Variants in EIF4G1 observed in about 807,000 individuals in gnomAD.
EIF4G1 encodes eukaryotic translation initiation factor 4 gamma 1.
Under a neutral mutation model 187.8 loss-of-function variants are expected in EIF4G1, and 4 were observed. The observed-to-expected ratio is 0.02, with a 90% confidence interval of 0.01 to 0.05. The LOEUF (loss-of-function observed/expected upper bound fraction) is 0.05. EIF4G1 is among the 10% of genes least tolerant of loss of function. The pLI, the probability that EIF4G1 is intolerant of heterozygous loss-of-function variation, is 1.00. For synonymous variants in EIF4G1, 844 were observed against 781.4 expected (o/e 1.08, Z -1.34); for missense variants, 1,647 against 2,081.1 (o/e 0.79, Z 4.06).
chr3:184,322,053 C>G lies in EIF4G1; in HGVS notation c.1469C>G (p.Pro490Arg), dbSNP rs1723982966. The change falls in exon 10 of 33, where the codon CCT becomes CGT. Residue 490 changes from proline (P) to arginine (R), a missense_variant. This residue lies in a region of EIF4G1 where 522 missense variants were observed against 485.2 expected (regional missense o/e 1.08). Coordinates refer to ENST00000346169, the MANE Select transcript of EIF4G1 (RefSeq NM_198241.3). The part of the protein sequence containing the change: ...GEELLPPEST[P>R]IPANLSQNLE... ...GAACTGCTCCCCCCAGAGAGTACCCCTATTCCAGCCAACTTGTCTCAGAAT... is the reference window on the plus strand; with the variant it reads ...GAACTGCTCCCCCCAGAGAGTACCCGTATTCCAGCCAACTTGTCTCAGAAT... 1.2e-6 allele frequency: 2 copies of G among 1,613,974 alleles called. No homozygotes were observed. Among genetic ancestry groups the G allele is most frequent in the Admixed American group, 1.7e-5 (1 of 59,910 alleles).
intron 3 of EIF4G1, 116 bp downstream of exon 3, chr3:184,315,972 T>G (rs1321084650): frequency 6.6e-7 from 1 of 1,513,246 alleles, no homozygotes; most frequent in African/African-American, 1.4e-5. Context: ...GCTGCCAAAT[T>G]GAGACAGGGC....
At position 184,326,976 on chromosome 3, in the gene EIF4G1, G is replaced by T; in HGVS notation, c.3421G>T (p.Val1141Leu). 6.2e-7 allele frequency: 1 copy of T among 1,614,218 alleles called. No homozygotes were observed. The highest frequency in any genetic ancestry group is 2.2e-5 in the East Asian group (1 of 44,892). The change falls in exon 23 of 33, where the codon GTG becomes TTG. Residue 1141 changes from valine (V) to leucine (L), a missense_variant. Coordinates refer to ENST00000346169, the MANE Select transcript of EIF4G1 (RefSeq NM_198241.3). ...PTESTDNRRVVQRSSLSRERG... is the reference protein window; with the variant it reads ...PTESTDNRRVLQRSSLSRERG... Reference sequence around the variant, plus strand: ...AGAAAGCACAGATAATAGACGTGTGGTGCAGAGGTGAGGTTTCCTGGACAT... The same window carrying T: ...AGAAAGCACAGATAATAGACGTGTGTTGCAGAGGTGAGGTTTCCTGGACAT...
chr3:184,331,439 T>A, intron 29 of EIF4G1, 33 bp from the exon 30 acceptor site: 3 of 1,614,168 alleles, frequency 1.9e-6, no homozygotes, highest in Non-Finnish European at 2.5e-6. Flanking sequence ...GTTGGCAACC[T>A]TACCTCTTAA....
rs543783675 is a variant in EIF4G1 at position 184,334,876 on chromosome 3, C to T, written c.4768C>T (p.Arg1590Cys). The T allele has an allele frequency of 2.5e-6, 4 of 1,614,154 alleles. No individual in the cohort carries two copies. Among genetic ancestry groups the T allele is most frequent in the African/African-American group, 1.3e-5 (1 of 75,026 alleles). ...TGTCACAGCCTTCTTCAAGTGGCTC[C>T]GTGAAGCAGAGGAGGAGTCTGACCA... ...KSVTAFFKWL[R>C]EAEEESDHN The change falls in exon 33 of 33, where the codon CGT (arginine) becomes TGT (cysteine). Residue 1590 changes from arginine to cysteine, a missense_variant. Physicochemically the swap from Arg to Cys is radical, Grantham distance 180. Around this residue, in one of 11 missense-constraint regions of EIF4G1, gnomAD observed 543 missense variants for 638.0 expected, o/e 0.85. Coordinates refer to ENST00000346169, the MANE Select transcript of EIF4G1 (RefSeq NM_198241.3). The surrounding 1 kb of genome is among the most constrained non-coding windows in gnomAD (Gnocchi z 5.8).
chr3:184,327,137 C>T lies in EIF4G1; in HGVS notation c.3429-79C>T, dbSNP rs1725087393. The T allele has an allele frequency of 1.9e-6, 3 of 1,585,348 alleles. No homozygotes were observed. The Admixed American group carries it at 5.1e-5, about 27-fold the overall frequency. On this transcript the variant is annotated intron_variant, in intron 23 of 32. Coordinates refer to ENST00000346169, the MANE Select transcript of EIF4G1 (RefSeq NM_198241.3). The stretch of plus-strand genomic sequence containing the variant: ...TCATTATGCTAAGAACAAGGCCCAA[C>T]AGTTGCTCAGCATGTTGTGTAATTA...
In EIF4G1 at chr3:184,321,955, GGAAGAAGAAGAAGAA is replaced by G; in HGVS notation, c.1374_1388del (p.Glu461_Glu465del). The G allele has an allele frequency of 6.2e-7, 1 of 1,612,128 alleles. No homozygotes were observed. The highest frequency in any genetic ancestry group is 8.5e-7 in the Non-Finnish European group (1 of 1,178,330). On this transcript the variant is annotated inframe_deletion, in exon 10 of 33. Transcript: ENST00000346169. ...CTTCCCCAGCTCAGGAGGAGGAAATGGAAGAAGAAGAAGAAGAGGAAGAAGGAGAAGCAGGAGAAG... is the reference window on the plus strand; with the variant it reads ...CTTCCCCAGCTCAGGAGGAGGAAATGGAGGAAGAAGGAGAAGCAGGAGAAG...
chr3:184,324,358 A>C lies in EIF4G1; in HGVS notation c.2619+11A>C, dbSNP rs1724444157. 1 of 1,614,184 alleles carries C rather than the reference A, an allele frequency of 6.2e-7. No individual in the cohort carries two copies. The highest frequency in any genetic ancestry group is 1.3e-5 in the African/African-American group (1 of 75,058). ...GATGAAGCTGCTACGGTGAGAGAAA[A>C]CCCACTATCGATTCCACTCACCACT... On this transcript the variant is annotated intron_variant, in intron 17 of 32. Transcript: ENST00000346169.
chr3:184,319,569 C>CA (rs1723485387), intron 6 of EIF4G1, 120 bp from the exon 7 acceptor site: 1 of 733,966 alleles, frequency 1.4e-6, no homozygotes, highest in Non-Finnish European at 2.5e-6. Flanking sequence ...CAGGGCAGGG[C>CA]AAGGCAAGGG....
chr3:184,319,769 C>T lies in EIF4G1; in HGVS notation c.505C>T (p.Pro169Ser), dbSNP rs777260160. ...APTPVLMNQPPQIAPKRERKT... is the reference protein window; with the variant it reads ...APTPVLMNQPSQIAPKRERKT... The stretch of plus-strand genomic sequence containing the variant: ...CACCCCAGTTTTGATGAACCAGCCA[C>T]CCCAGATTGCTCCCAAGAGGGAGCG... The change falls in exon 7 of 33, where the codon CCC (proline) becomes TCC (serine). Residue 169 changes from proline (P) to serine (S), a missense_variant. By Grantham distance (74) the Pro-to-Ser change is moderately conservative. Around this residue, in one of 11 missense-constraint regions of EIF4G1, gnomAD observed 139 missense variants for 187.3 expected, o/e 0.74. Coordinates refer to ENST00000346169, the MANE Select transcript of EIF4G1 (RefSeq NM_198241.3). 3 of 1,606,342 alleles carry T rather than the reference C, an allele frequency of 1.9e-6. No homozygotes were observed. Among genetic ancestry groups the T allele is most frequent in the East Asian group, 2.2e-5 (1 of 44,718 alleles).
At chr3:184,333,776 A>G (rs1278562931) in intron 32 of EIF4G1, among the ~76,000 whole-genome samples, 1 of 152,228 alleles carries the variant, frequency 6.6e-6, no homozygotes, top group Non-Finnish European at 1.5e-5. Flanking sequence ...GGTTGAAAAC[A>G]GGGCTTTTTG....
At chr3:184,332,932 C>T (rs1412476425) in intron 32 of EIF4G1, among the ~76,000 whole-genome samples, 1 of 152,126 alleles carries the variant, frequency 6.6e-6, no homozygotes, top group African/African-American at 2.4e-5. Context: ...GGCAAGAAAA[C>T]GCCTTTGTGG....
In EIF4G1 at chr3:184,323,073, C is replaced by T; in HGVS notation, c.1930-10C>T. 2 of 1,614,176 alleles carry T rather than the reference C, an allele frequency of 1.2e-6. No homozygotes were observed. The highest frequency in any genetic ancestry group is 1.6e-4 in the Middle Eastern group (1 of 6,062). On this transcript the variant is annotated splice_polypyrimidine_tract_variant and intron_variant, in intron 13 of 32. Coordinates refer to ENST00000346169, the MANE Select transcript of EIF4G1 (RefSeq NM_198241.3). This position sits in a 1 kb window ranked among gnomAD's most constrained non-coding sequence, Gnocchi z 6.9. The stretch of plus-strand genomic sequence containing the variant: ...CCTGCTTCTGAGACCTTTTCCTGTC[C>T]TCTTTGCAGGCCAATAAAACACCAC...
chr3:184,316,948 C>T lies in EIF4G1; in HGVS notation c.148-373C>T, dbSNP rs183337581. On this transcript the variant is annotated intron_variant, in intron 4 of 32. Coordinates refer to ENST00000346169, the MANE Select transcript of EIF4G1 (RefSeq NM_198241.3). ...TGCTGTTGCATGTTATGGTTAGCTCCTCATTACATGCTGGTGGAGCAGTGC... is the reference window on the plus strand; with the variant it reads ...TGCTGTTGCATGTTATGGTTAGCTCTTCATTACATGCTGGTGGAGCAGTGC... Among the ~76,000 whole-genome samples, 4 of 152,214 alleles carry T rather than the reference C, an allele frequency of 2.6e-5. No individual in the cohort carries two copies. In the East Asian group the frequency reaches 7.8e-4, roughly 30 times the overall value.
chr3:184,329,079 G>A (rs886939241), intron 28 of EIF4G1, 89 bp downstream of exon 28: 1 of 1,459,878 alleles, frequency 6.8e-7, no homozygotes, highest in Non-Finnish European at 9.6e-7. Context: ...TCCATTGGTG[G>A]AGTGGAGTGA....
At chr3:184,319,637 A>G in intron 6 of EIF4G1, 52 bp from the exon 7 acceptor site, 5 of 1,191,956 alleles carry the variant, frequency 4.2e-6, no homozygotes, top group Non-Finnish European at 3.7e-6. Flanking sequence ...GCATTAGTAT[A>G]TGGTTGGGCC....
chr3:184,316,656 C>T, intron 4 of EIF4G1: 7 of 1,521,396 alleles, frequency 4.6e-6, no homozygotes, highest in South Asian at 2.3e-5. Context: ...TTCATTCCCT[C>T]CCCCCGCCAT....
At chr3:184,316,690 T>A (rs150409325) in intron 4 of EIF4G1, 2 of 1,593,588 alleles carry the variant, frequency 1.3e-6, no homozygotes, top group East Asian at 4.5e-5. Context: ...ATTCTCTTCT[T>A]TCCTATCCCC....
chr3:184,319,731 C>T lies in EIF4G1; in HGVS notation c.467C>T (p.Thr156Ile). 1 of 1,607,044 alleles carries T rather than the reference C, an allele frequency of 6.2e-7. No homozygotes were observed. Among genetic ancestry groups the T allele is most frequent in the Non-Finnish European group, 8.5e-7 (1 of 1,177,076 alleles). The change falls in exon 7 of 33, where the codon ACT (threonine) becomes ATT (isoleucine). Residue 156 changes from threonine (T) to isoleucine (I), a missense_variant. This residue lies in a region of EIF4G1 where 139 missense variants were observed against 187.3 expected (regional missense o/e 0.74). Transcript: ENST00000346169. ...YPAQGVQQFP[T>I]GVAPTPVLMN... ...GCCCAAGGGGTGCAGCAGTTTCCCA[C>T]TGGCGTGGCCCCCACCCCAGTTTTG...
intron 7 of EIF4G1, chr3:184,320,295 CA>C (rs1723665055): frequency 7.9e-7 from 1 of 1,267,826 alleles, no homozygotes; most frequent in Admixed American, 3.4e-5. Context: ...ACACTAGCCA[CA>C]AGTGAGCCGA....
Sources: allele counts gnomAD v4.1 joint callset (sites outside exome capture counted in the v4.1 genomes callset), GRCh38; gene constraint gnomAD v4.1.1; regional missense constraint gnomAD v4.1.1; non-coding constraint Gnocchi (gnomAD v3.1); transcripts MANE v1.5; gene names NCBI Gene and HGNC (gene_info 2026-07-23, HGNC 2026-07-21).